Variants in KIAA1328 observed in about 807,000 individuals in gnomAD.
The protein encoded by KIAA1328 is KIAA1328, also known as protein hinderin.
KIAA1328 carries 52 observed loss-of-function variants against 68.1 expected under a neutral mutation model. The ratio of observed to expected loss-of-function variants is 0.76; its 90% CI spans 0.61 to 0.96. The LOEUF (loss-of-function observed/expected upper bound fraction) is 0.96. KIAA1328 is among the 40% of genes least tolerant of loss of function. The probability of loss-of-function intolerance (pLI) is 0.00; values close to 1 mark genes in which losing one functional copy is unlikely to be tolerated. For missense variants in KIAA1328, 641 were observed against 677.6 expected, an observed-to-expected ratio of 0.95 and a Z score of 0.60; for synonymous variants, 232 against 239.4, an observed-to-expected ratio of 0.97 and a Z score of 0.28.
At chr18:36,844,327 G>A (rs2046957050) in intron 4 of KIAA1328, 25 bp downstream of exon 4, 1 of 1,436,470 alleles carries the variant, frequency 7.0e-7, no homozygotes, top group South Asian at 1.3e-5. Context: ...TATATGAAAT[G>A]ATTTATTATA....
intron 8 of KIAA1328, among the ~76,000 whole-genome samples, chr18:37,161,369 A>G (rs1311374768): frequency 2.0e-5 from 3 of 152,274 alleles, no homozygotes; most frequent in East Asian, 1.9e-4. Flanking sequence ...GATTGTGATT[A>G]ATCTAGAAAT....
At chr18:37,057,826 A>G (rs1331932730) in intron 6 of KIAA1328, among the ~76,000 whole-genome samples, 2 of 152,160 alleles carry the variant, frequency 1.3e-5, no homozygotes, top group Non-Finnish European at 2.9e-5. Flanking sequence ...TTGCTTTTGC[A>G]CTACAAAAGC....
At chr18:37,054,685 A>G (rs1273279792) in intron 6 of KIAA1328, among the ~76,000 whole-genome samples, 3 of 152,180 alleles carry the variant, frequency 2.0e-5, no homozygotes, top group Admixed American at 6.5e-5. Context: ...AGTGGGGAAA[A>G]GGGTTGTAAA....
At chr18:37,135,166 G>A (rs1057285964) in intron 7 of KIAA1328, among the ~76,000 whole-genome samples, 2 of 152,160 alleles carry the variant, frequency 1.3e-5, no homozygotes, top group African/African-American at 4.8e-5. Context: ...GAGCCTGTGA[G>A]TGCATGAGTC....
At chr18:36,864,327 A>C (rs2047670727) in intron 4 of KIAA1328, among the ~76,000 whole-genome samples, 1 of 140,444 alleles carries the variant, frequency 7.1e-6, no homozygotes, top group Admixed American at 7.4e-5. Context: ...TTTGAAATGG[A>C]GTCTTGCTGT....
At chr18:37,226,715 C>CTTTTTTTTTTTTT (rs763991741), downstream of KIAA1328, among the ~76,000 whole-genome samples, 1 of 128,688 alleles carries the variant, frequency 7.8e-6, no homozygotes, top group Non-Finnish European at 1.6e-5. Context: ...GGGTTGTTCC[C>CTTTTTTTTTTTTT]TTTTTTTTTT....
At position 37,223,074 on chromosome 18, in the gene KIAA1328, G is replaced by A. The variant is rs2060593487; in HGVS notation, c.*847G>A. 1.2e-5 allele frequency: 6 copies of A among 507,768 alleles called. No individual in the cohort carries two copies. The highest frequency in any genetic ancestry group is 1.9e-4 in the South Asian group (2 of 10,380). 31.5% of individuals were successfully genotyped at this position (507,768 alleles called of 1,614,324 possible). A position where few individuals can be genotyped will look rare whatever the true frequency, so the allele number is the denominator to read the frequency against. On this transcript the variant is annotated 3_prime_UTR_variant, in exon 10 of 10. Coordinates refer to ENST00000280020, the MANE Select transcript of KIAA1328 (RefSeq NM_020776.3). The stretch of plus-strand genomic sequence containing the variant: ...CCCACCCCCCCACCCCCCATCACAC[G>A]TGCTCCTGTGAACTTTCCATGGTTA...
chr18:37,095,911 T>TA, intron 7 of KIAA1328, among the ~76,000 whole-genome samples: 1 of 152,278 alleles, frequency 6.6e-6, no homozygotes, highest in East Asian at 1.9e-4. Context: ...TTCCTGGACA[T>TA]ACGCAGTGTA....
intron 9 of KIAA1328, among the ~76,000 whole-genome samples, chr18:37,181,394 G>A (rs1442756395): frequency 6.6e-6 from 1 of 151,740 alleles, no homozygotes; most frequent in South Asian, 2.1e-4. Flanking sequence ...GGAATTCCAG[G>A]CCACTGCAGT....
Position 37,058,866 on chromosome 18 carries a change from C to T in KIAA1328, c.577-8024C>T, listed in dbSNP as rs145833298. Among the ~76,000 whole-genome samples, 721 of 151,764 alleles carry T rather than the reference C, an allele frequency of 4.8e-3. 6 individuals are homozygous for T. The highest frequency in any genetic ancestry group is 0.031 in the South Asian group (149 of 4,808). On this transcript the variant is annotated intron_variant, in intron 6 of 9. Coordinates refer to ENST00000280020, the MANE Select transcript of KIAA1328 (RefSeq NM_020776.3). ...TGACTGGAGAGGTAGAGGGTACTAA[C>T]TGTGTGGGGCCAGGAGGGTCTTTTG...
intron 6 of KIAA1328, among the ~76,000 whole-genome samples, chr18:36,985,209 A>G (rs1333502710): frequency 2.0e-5 from 3 of 152,106 alleles, no homozygotes; most frequent in African/African-American, 7.2e-5. Context: ...CTGAGGCAGG[A>G]GGATTGCTTG....
At chr18:36,931,959 T>A (rs1261553338) in intron 5 of KIAA1328, among the ~76,000 whole-genome samples, 1 of 151,444 alleles carries the variant, frequency 6.6e-6, no homozygotes, top group Non-Finnish European at 1.5e-5. Context: ...GAAAGTATGA[T>A]GTATAATTTA....
Position 37,067,559 on chromosome 18 carries a change from GTTCT to G in KIAA1328, c.1232+17_1232+20del. On this transcript the variant is annotated intron_variant, in intron 7 of 9. Transcript: ENST00000280020. ...GGATTACAATTGGTGAGTACTGCCT[GTTCT>G]TTTTTTTTTTTTTTTGAGACGAAAT... 1 of 1,424,062 alleles carries G rather than the reference GTTCT, an allele frequency of 7.0e-7. No homozygotes were observed. Among genetic ancestry groups the G allele is most frequent in the Admixed American group, 2.8e-5 (1 of 35,794 alleles). The allele number at this position is 1,424,062 out of a possible 1,614,324, so 88.2% of individuals were successfully genotyped here. A position where few individuals can be genotyped will look rare whatever the true frequency, so the allele number is the denominator to read the frequency against.
At chr18:36,959,097 A>T (rs2051545388) in intron 5 of KIAA1328, among the ~76,000 whole-genome samples, 1 of 152,030 alleles carries the variant, frequency 6.6e-6, no homozygotes, top group Admixed American at 6.5e-5. Flanking sequence ...TTCAAATGGG[A>T]TGTTCATTGT....
At chr18:36,931,178 T>C (rs2050295850) in intron 5 of KIAA1328, among the ~76,000 whole-genome samples, 1 of 152,044 alleles carries the variant, frequency 6.6e-6, no homozygotes. Context: ...ATCTTTTGGC[T>C]CCAATTTGGA....
rs753445402 is a variant in KIAA1328 at position 36,880,671 on chromosome 18, A to AT, written c.333-4875dup. Among the ~76,000 whole-genome samples the AT allele has an allele frequency of 4.5e-4, 67 of 148,256 alleles. 1 individual carries two copies. Among genetic ancestry groups the AT allele is most frequent in the Non-Finnish European group, 7.6e-4 (51 of 66,692 alleles). Reference sequence around the variant, plus strand: ...GAAGTGCAAAGGTAGGGAGGGACAAATTTTTTTTTTTACCCTCAGACATAT... The same window carrying AT: ...GAAGTGCAAAGGTAGGGAGGGACAAATTTTTTTTTTTTACCCTCAGACATAT... On this transcript the variant is annotated intron_variant, in intron 4 of 9. Transcript: ENST00000280020.
chr18:37,215,275 T>C lies in KIAA1328; in HGVS notation c.1524-6742T>C, dbSNP rs572403916. ...AGTTTTTGCCCATTCAGTATGATAT[T>C]GGCTGTGGGTTTGTCATAAATAGCT... is the stretch of plus-strand genomic sequence containing the variant. On this transcript the variant is annotated intron_variant, in intron 9 of 9. Coordinates refer to ENST00000280020, the MANE Select transcript of KIAA1328 (RefSeq NM_020776.3). Among the ~76,000 whole-genome samples the C allele has an allele frequency of 5.5e-4, 84 of 152,354 alleles. No homozygotes were observed. In the South Asian group the frequency reaches 0.017, roughly 31 times the overall value.
At chr18:36,871,082 A>C (rs1289337253) in intron 4 of KIAA1328, among the ~76,000 whole-genome samples, 2 of 152,146 alleles carry the variant, frequency 1.3e-5, no homozygotes, top group Non-Finnish European at 2.9e-5. Context: ...TTGCCCTTCA[A>C]CCTTAGCTCT....
chr18:37,215,076 T>C (rs1223651235), intron 9 of KIAA1328, among the ~76,000 whole-genome samples: 2 of 152,216 alleles, frequency 1.3e-5, no homozygotes, highest in Non-Finnish European at 2.9e-5. Flanking sequence ...TTTCTAAATA[T>C]ACCATCATGT....
Sources: allele counts gnomAD v4.1 joint callset (sites outside exome capture counted in the v4.1 genomes callset), GRCh38; gene constraint gnomAD v4.1.1; transcripts MANE v1.5; gene names NCBI Gene and HGNC (gene_info 2026-07-23, HGNC 2026-07-21).